Variants in INSR observed in about 807,000 individuals in gnomAD.
INSR encodes IR.
INSR carries 67 observed loss-of-function variants against 142.6 expected under a neutral mutation model. The observed-to-expected ratio is 0.47, with a 90% CI of 0.39 to 0.58. The LOEUF (loss-of-function observed/expected upper bound fraction) is 0.58, where lower values mean the gene tolerates loss of function less well. INSR is among the 20% of genes least tolerant of loss of function. The pLI is 0.00. For missense variants in INSR, 1,248 were observed against 1,833.2 expected, an observed-to-expected ratio of 0.68 and a Z score of 5.83; for synonymous variants, 756 against 743.1, an observed-to-expected ratio of 1.02 and a Z score of -0.28.
intron 11 of INSR, among the ~76,000 whole-genome samples, chr19:7,149,093 G>C (rs1327858619): frequency 1.3e-5 from 2 of 152,060 alleles, no homozygotes; most frequent in Admixed American, 1.3e-4. Flanking sequence ...ATTTTTAGTA[G>C]TGACGGGGTT....
chr19:7,293,676 C>T, intron 1 of INSR, 116 bp downstream of exon 1: 2 of 875,672 alleles, frequency 2.3e-6, no homozygotes, highest in Non-Finnish European at 2.9e-6. Flanking sequence ...TCCTGGCCAC[C>T]GCCCCCCGCC....
intron 2 of INSR, among the ~76,000 whole-genome samples, chr19:7,265,091 C>T (rs1967679925): frequency 1.3e-5 from 2 of 152,208 alleles, no homozygotes; most frequent in African/African-American, 4.8e-5. Flanking sequence ...CTTCTTCCCA[C>T]CTCCATCGCA....
At chr19:7,217,260 T>TC (rs1185324506) in intron 2 of INSR, among the ~76,000 whole-genome samples, 1 of 152,160 alleles carries the variant, frequency 6.6e-6, no homozygotes, top group Non-Finnish European at 1.5e-5. Context: ...AGCTCCTTTT[T>TC]CTTGGCCGTA....
chr19:7,278,931 C>A (rs1255965206), intron 1 of INSR, among the ~76,000 whole-genome samples: 1 of 152,044 alleles, frequency 6.6e-6, no homozygotes, highest in East Asian at 1.9e-4. Flanking sequence ...GAGTTCAAGA[C>A]CAGCCTGGCC....
chr19:7,199,706 G>A (rs1454891851), intron 2 of INSR, among the ~76,000 whole-genome samples: 1 of 151,376 alleles, frequency 6.6e-6, no homozygotes, highest in East Asian at 1.9e-4. Flanking sequence ...GCTGTAACAC[G>A]GCATCACACT....
intron 2 of INSR, among the ~76,000 whole-genome samples, chr19:7,209,674 A>G (rs1229210003): frequency 6.6e-6 from 1 of 151,974 alleles, no homozygotes; most frequent in Admixed American, 6.6e-5. Flanking sequence ...TCAGCCTCCC[A>G]AAGTGCTGGG....
rs1229042828 is a variant in INSR, at chr19:7,117,360, G to T, written c.3845C>A (p.Thr1282Asn). 2 of 1,614,132 alleles carry T rather than the reference G, an allele frequency of 1.2e-6. No homozygotes were observed. The highest frequency in any genetic ancestry group is 3.3e-5 in the Admixed American group (2 of 60,020). The change falls in exon 22 of 22, where the codon ACC becomes AAC. Residue 1282 changes from threonine to asparagine, a missense_variant. Coordinates refer to ENST00000302850, the MANE Select transcript of INSR (RefSeq NM_000208.4). ...GAGCAGGTTGACAATCTCCAGGAAGGTTGGCCTCATCTTGGGGTTGAATTG... is the reference window on the plus strand; with the variant it reads ...GAGCAGGTTGACAATCTCCAGGAAGTTTGGCCTCATCTTGGGGTTGAATTG... ...CWQFNPKMRP[T>N]FLEIVNLLKD...
intron 2 of INSR, among the ~76,000 whole-genome samples, chr19:7,224,102 C>G (rs1975704866): frequency 6.6e-6 from 1 of 151,964 alleles, no homozygotes; most frequent in Non-Finnish European, 1.5e-5. Context: ...CACCACCACA[C>G]CCAGCTAATT....
At chr19:7,154,025 G>A (rs1973520800) in intron 9 of INSR, among the ~76,000 whole-genome samples, 1 of 151,994 alleles carries the variant, frequency 6.6e-6, no homozygotes, top group Non-Finnish European at 1.5e-5. Context: ...GCCAGGTGTA[G>A]TGGCGCATGC....
intron 8 of INSR, among the ~76,000 whole-genome samples, chr19:7,163,552 T>A (rs1973813329): frequency 6.8e-6 from 1 of 147,078 alleles, no homozygotes. Flanking sequence ...AGAGCAAGAG[T>A]CCGTCTCAAA....
At chr19:7,194,711 C>T (rs1409387868) in intron 2 of INSR, among the ~76,000 whole-genome samples, 4 of 141,232 alleles carry the variant, frequency 2.8e-5, no homozygotes, top group Admixed American at 7.3e-5. Context: ...AGTGGAGAAG[C>T]GGTTTCACCA....
At chr19:7,182,691 C>T (rs1033493973) in intron 3 of INSR, among the ~76,000 whole-genome samples, 1 of 152,072 alleles carries the variant, frequency 6.6e-6, no homozygotes, top group Non-Finnish European at 1.5e-5. Context: ...TTAGCATCTC[C>T]CGCATCATCA....
At chr19:7,118,203 C>T (rs922217490) in intron 21 of INSR, among the ~76,000 whole-genome samples, 7 of 151,824 alleles carry the variant, frequency 4.6e-5, no homozygotes, top group South Asian at 2.1e-4. Flanking sequence ...TGTGCCACTG[C>T]GCTCTACCAG....
In INSR at chr19:7,232,282, G is replaced by T. The variant is rs113938295; in HGVS notation, c.652+35063C>A. ...GCTGGAGTACAATGGCCTGATCTTG[G>T]CTCACTGCAACCTCCGCCTCCTGGG... is the stretch of plus-strand genomic sequence containing the variant. On this transcript the variant is annotated intron_variant, in intron 2 of 21. Coordinates refer to ENST00000302850, the MANE Select transcript of INSR (RefSeq NM_000208.4). Among the ~76,000 whole-genome samples, 454 of 152,068 alleles carry T rather than the reference G, an allele frequency of 3.0e-3. 1 individual carries two copies. Among genetic ancestry groups the T allele is most frequent in the African/African-American group, 0.01 (433 of 41,492 alleles).
intron 2 of INSR, among the ~76,000 whole-genome samples, chr19:7,200,425 T>C (rs1054658996): frequency 2.3e-4 from 35 of 151,776 alleles, no homozygotes; most frequent in African/African-American, 8.5e-4. Context: ...AGGTGTGGAG[T>C]TCAAGATATA....
Position 7,150,131 on chromosome 19 carries a change from C to T in INSR, c.2267+366G>A, listed in dbSNP as rs527871734. On this transcript the variant is annotated intron_variant, in intron 11 of 21. Transcript: ENST00000302850. This position sits in a 1 kb window ranked among gnomAD's most constrained non-coding sequence, Gnocchi z 4.2. ...GAGCTGCTGGGTCGGGGCACCCAGC[C>T]GCGGGGAGCTCAGACTCCGGGGACC... Among the ~76,000 whole-genome samples, 99 of 152,090 alleles carry T rather than the reference C, an allele frequency of 6.5e-4. No homozygotes were observed. Among genetic ancestry groups the T allele is most frequent in the Non-Finnish European group, 5.1e-4 (35 of 67,988 alleles).
At chr19:7,148,133 C>T (rs538848469) in intron 11 of INSR, among the ~76,000 whole-genome samples, 222 of 152,114 alleles carry the variant, frequency 1.5e-3, no homozygotes, top group African/African-American at 5.1e-3. Context: ...AGGCTGGTTT[C>T]AAACTCTTGA....
intron 9 of INSR, among the ~76,000 whole-genome samples, chr19:7,154,548 C>T (rs1314329278): frequency 3.3e-5 from 5 of 150,738 alleles, no homozygotes; most frequent in East Asian, 4.0e-4. Context: ...GTGATCTGCC[C>T]GCCTTGGCCT....
At chr19:7,162,280 T>C in intron 9 of INSR, among the ~76,000 whole-genome samples, 1 of 139,604 alleles carries the variant, frequency 7.2e-6, no homozygotes, top group South Asian at 2.2e-4. Flanking sequence ...TGAGCCGAGA[T>C]CATGCCACTG....
Sources: allele counts gnomAD v4.1 joint callset (sites outside exome capture counted in the v4.1 genomes callset), GRCh38; gene constraint gnomAD v4.1.1; non-coding constraint Gnocchi (gnomAD v3.1); transcripts MANE v1.5; gene names NCBI Gene and HGNC (gene_info 2026-07-23, HGNC 2026-07-21).